The following NR5A2 variants were observed in gnomAD, a reference collection of about 807,000 sequenced individuals.
The protein encoded by NR5A2 is nuclear receptor subfamily 5 group A member 2.
In NR5A2, 26 loss-of-function variants were observed where a neutral mutation model predicts 62.7. The observed-to-expected ratio is 0.41, with a 90% confidence interval of 0.30 to 0.58. The LOEUF is 0.58. Among genes scored for constraint, NR5A2 ranks in the 20% least tolerant of loss-of-function variants. NR5A2 has a pLI of 0.22. For missense variants in NR5A2, 541 were observed against 669.1 expected, an observed-to-expected ratio of 0.81 and a Z score of 2.11; for synonymous variants, 246 against 241.7, an observed-to-expected ratio of 1.02 and a Z score of -0.16.
intron 5 of NR5A2, among the ~76,000 whole-genome samples, chr1:200,110,361 A>G (rs1348200622): frequency 1.3e-5 from 2 of 152,248 alleles, no homozygotes; most frequent in Non-Finnish European, 2.9e-5. Flanking sequence ...TATGCTGTCC[A>G]TATTTAAATA....
intron 5 of NR5A2, chr1:200,057,568 T>C: frequency 2.8e-6 from 1 of 353,726 alleles, no homozygotes; most frequent in South Asian, 2.1e-5. Context: ...AACCTCCACC[T>C]CCTGCATTCA....
At chr1:200,052,366 G>T (rs990330740) in intron 5 of NR5A2, among the ~76,000 whole-genome samples, 1 of 152,040 alleles carries the variant, frequency 6.6e-6, no homozygotes, top group Non-Finnish European at 1.5e-5. Context: ...AATTATTTTT[G>T]TAGAGACAGG....
intron 5 of NR5A2, among the ~76,000 whole-genome samples, chr1:200,091,697 A>G (rs1344225861): frequency 2.0e-5 from 3 of 151,750 alleles, no homozygotes; most frequent in Non-Finnish European, 4.4e-5. Flanking sequence ...GTTGGTGAGG[A>G]TGGTCTTGAT....
chr1:200,068,428 T>TA (rs1663595959), intron 5 of NR5A2, among the ~76,000 whole-genome samples: 1 of 152,096 alleles, frequency 6.6e-6, no homozygotes, highest in Admixed American at 6.5e-5. Flanking sequence ...CTTCGAAACT[T>TA]ACTTAATTTA....
intron 7 of NR5A2, among the ~76,000 whole-genome samples, chr1:200,121,195 T>C (rs1443765763): frequency 6.6e-6 from 1 of 152,232 alleles, no homozygotes; most frequent in East Asian, 1.9e-4. Context: ...AAATGAGTCC[T>C]GGTTTTTCTT....
At chr1:200,043,981 C>A in intron 3 of NR5A2, 89 bp downstream of exon 3, 1 of 799,984 alleles carries the variant, frequency 1.3e-6, no homozygotes, top group Non-Finnish European at 2.1e-6. Flanking sequence ...ATTTAGGCTC[C>A]TTTTTTAAAG....
chr1:200,075,674 A>G (rs1344360848), intron 5 of NR5A2, among the ~76,000 whole-genome samples: 3 of 152,198 alleles, frequency 2.0e-5, no homozygotes. Flanking sequence ...CCAAAGTCGC[A>G]CATCTGTGTC....
intron 5 of NR5A2, among the ~76,000 whole-genome samples, chr1:200,057,187 C>T (rs531166219): frequency 5.3e-5 from 8 of 152,262 alleles, no homozygotes; most frequent in East Asian, 1.9e-4. Flanking sequence ...ATGGTACAGA[C>T]GTGAGCATTT....
intron 5 of NR5A2, among the ~76,000 whole-genome samples, chr1:200,050,559 A>G (rs922841396): frequency 1.3e-5 from 2 of 152,132 alleles, no homozygotes; most frequent in East Asian, 3.8e-4. Context: ...AGTCTGGCAT[A>G]TACTACATAC....
At chr1:200,156,666 G>T (rs1159891490) in intron 7 of NR5A2, among the ~76,000 whole-genome samples, 2 of 151,978 alleles carry the variant, frequency 1.3e-5, no homozygotes, top group Admixed American at 6.6e-5. Flanking sequence ...CAAAGTGCTG[G>T]GATTACAGGT....
chr1:200,161,245 T>C (rs1379223387), intron 7 of NR5A2, among the ~76,000 whole-genome samples: 1 of 152,220 alleles, frequency 6.6e-6, no homozygotes, highest in Non-Finnish European at 1.5e-5. Flanking sequence ...AACTAGGAAA[T>C]TGCTTCATCC....
chr1:200,100,434 G>C lies in NR5A2; in HGVS notation c.1111-10768G>C, dbSNP rs116528772. 8.2e-3 allele frequency among the ~76,000 whole-genome samples: 1,241 copies of C among 152,254 alleles called. 15 individuals are homozygous for C. Among genetic ancestry groups the C allele is most frequent in the African/African-American group, 0.026 (1,084 of 41,552 alleles). On this transcript the variant is annotated intron_variant, in intron 5 of 7. Transcript: ENST00000367362. ...TTTAGTTCTTTGCCCAAAGTTACCT[G>C]GTTAGTGAGAATACCAAGATGGGTG...
chr1:200,115,251 C>A (rs1666163929), intron 6 of NR5A2, among the ~76,000 whole-genome samples: 1 of 152,282 alleles, frequency 6.6e-6, no homozygotes, highest in Non-Finnish European at 1.5e-5. Context: ...TTGTTGAATT[C>A]TCTTCCAATC....
chr1:200,122,736 C>T (rs2737681), intron 7 of NR5A2, among the ~76,000 whole-genome samples: 60,444 of 151,914 alleles, frequency 0.4, 12,294 homozygotes, highest in Middle Eastern at 0.46. Flanking sequence ...GAATAGCTGG[C>T]CTAAATGTCC....
intron 5 of NR5A2, among the ~76,000 whole-genome samples, chr1:200,092,469 T>G (rs1199206202): frequency 6.6e-6 from 1 of 152,180 alleles, no homozygotes; most frequent in African/African-American, 2.4e-5. Context: ...ATGCACTTAC[T>G]CCGGGATGAA....
chr1:200,042,836 T>C (rs963693694), intron 2 of NR5A2: 20 of 985,418 alleles, frequency 2.0e-5, no homozygotes, highest in Non-Finnish European at 1.9e-5. Context: ...TAGTTTGTCA[T>C]CTTTTTAGCT....
At chr1:200,162,956 C>T (rs10494809) in intron 7 of NR5A2, among the ~76,000 whole-genome samples, 51,495 of 152,024 alleles carry the variant, frequency 0.34, 10,778 homozygotes, top group African/African-American at 0.6. Context: ...GTCATATGTA[C>T]AGAACCAAAT....
At chr1:200,106,284 C>T (rs888596589) in intron 5 of NR5A2, among the ~76,000 whole-genome samples, 14 of 152,062 alleles carry the variant, frequency 9.2e-5, no homozygotes, top group African/African-American at 2.9e-4. Flanking sequence ...GTCTCGAACT[C>T]CTGACCTTGT....
intron 6 of NR5A2, among the ~76,000 whole-genome samples, chr1:200,116,180 T>A (rs550532111): frequency 1.3e-5 from 2 of 152,250 alleles, no homozygotes; most frequent in South Asian, 4.2e-4. Context: ...AGACAGTGAT[T>A]TTGTTTCACC....
Sources: gnomAD v4.1 joint callset for allele counts (sites outside exome capture counted in the v4.1 genomes callset) on GRCh38, gnomAD v4.1.1 for gene constraint, MANE v1.5 for transcripts, NCBI Gene and HGNC (gene_info 2026-07-23, HGNC 2026-07-21) for gene names.